The following PDE11A variants were observed in gnomAD, a reference collection of about 807,000 sequenced individuals.
The protein encoded by PDE11A is phosphodiesterase 11A.
PDE11A carries 100 observed loss-of-function variants against 100.5 expected under a neutral mutation model. The ratio of observed to expected loss-of-function variants is 1.00; its 90% CI spans 0.85 to 1.18. PDE11A has a LOEUF of 1.18. Among genes scored for constraint, PDE11A ranks in the 50% most tolerant of loss-of-function variants. PDE11A has a pLI of 0.00. For missense variants in PDE11A, 1,141 were observed against 1,152.6 expected, an observed-to-expected ratio of 0.99 and a Z score of 0.15; for synonymous variants, 381 against 420.8, an observed-to-expected ratio of 0.91 and a Z score of 1.16.
chr2:178,085,944 A>G (rs2087348504), intron 2 of PDE11A, among the ~76,000 whole-genome samples: 1 of 152,206 alleles, frequency 6.6e-6, no homozygotes, highest in Non-Finnish European at 1.5e-5. Flanking sequence ...TATCAAAAGT[A>G]CCACTATCCT....
At chr2:177,675,340 TG>T in intron 17 of PDE11A, 114 bp downstream of exon 17, 1 of 774,558 alleles carries the variant, frequency 1.3e-6, no homozygotes, top group Non-Finnish European at 2.3e-6. Flanking sequence ...ATGTTAATAC[TG>T]ATGCAAATTG....
chr2:177,955,379 G>T (rs139978420), intron 2 of PDE11A, among the ~76,000 whole-genome samples: 2 of 152,294 alleles, frequency 1.3e-5, no homozygotes, highest in East Asian at 3.9e-4. Flanking sequence ...CCCAGGTTAA[G>T]AAGTCCTGCT....
chr2:178,096,601 C>T (rs760355157), intron 2 of PDE11A, among the ~76,000 whole-genome samples: 4 of 152,134 alleles, frequency 2.6e-5, no homozygotes, highest in Non-Finnish European at 4.4e-5. Context: ...CTCTCAAGTT[C>T]GAAGTCCCAT....
intron 2 of PDE11A, among the ~76,000 whole-genome samples, chr2:178,096,042 C>G (rs1012206442): frequency 4.6e-5 from 7 of 152,156 alleles, no homozygotes; most frequent in African/African-American, 1.7e-4. Flanking sequence ...TTCTGACATG[C>G]CCTGGAGACA....
intron 1 of PDE11A, among the ~76,000 whole-genome samples, chr2:178,039,948 G>A (rs1202920010): frequency 6.6e-6 from 1 of 152,034 alleles, no homozygotes; most frequent in East Asian, 1.9e-4. Flanking sequence ...AAGTCATGGG[G>A]AGGGAAACAA....
At chr2:177,887,472 G>C (rs1190130613) in intron 4 of PDE11A, among the ~76,000 whole-genome samples, 1 of 146,508 alleles carries the variant, frequency 6.8e-6, no homozygotes, top group Non-Finnish European at 1.5e-5. Context: ...AAAAAAAAAA[G>C]ATTTTCCTCA....
intron 9 of PDE11A, among the ~76,000 whole-genome samples, chr2:177,779,115 A>T (rs537177705): frequency 7.5e-4 from 114 of 152,322 alleles, no homozygotes; most frequent in Admixed American, 2.0e-3. Context: ...TTGGTTTCCC[A>T]GTGCATATAA....
At chr2:177,875,795 T>G (rs2084229174) in intron 5 of PDE11A, 64 bp downstream of exon 5, 2 of 997,466 alleles carry the variant, frequency 2.0e-6, no homozygotes, top group Non-Finnish European at 3.2e-6. Flanking sequence ...CTAAGAATTA[T>G]GCAATGCTGC....
Position 177,840,261 on chromosome 2 carries a change from A to G in PDE11A, c.1490T>C (p.Phe497Ser). The G allele has an allele frequency of 6.2e-7, 1 of 1,614,150 alleles. No homozygotes were observed. The highest frequency in any genetic ancestry group is 1.7e-5 in the Admixed American group (1 of 60,018). Residue 497 changes from phenylalanine to serine, a missense_variant, in exon 6 of 20, where the codon TTT becomes TCT. By Grantham distance (155) the Phe-to-Ser change is radical. Coordinates refer to ENST00000286063, the MANE Select transcript of PDE11A (RefSeq NM_016953.4). ...AGGGGCTCCTCTTACCTCTGCATCAAAGCGCGGATCCTGGTAGGCATCACT... is the reference window on the plus strand; with the variant it reads ...AGGGGCTCCTCTTACCTCTGCATCAGAGCGCGGATCCTGGTAGGCATCACT... Reference protein sequence around the residue: ...NISDAYQDPRFDAEADQISGF... With the variant: ...NISDAYQDPRSDAEADQISGF...
At chr2:177,879,163 A>T (rs2084290389) in intron 4 of PDE11A, among the ~76,000 whole-genome samples, 1 of 152,202 alleles carries the variant, frequency 6.6e-6, no homozygotes, top group Non-Finnish European at 1.5e-5. Flanking sequence ...TAGCAATACA[A>T]ATAAATTTTA....
At chr2:177,957,251 A>AT (rs72402753) in intron 2 of PDE11A, among the ~76,000 whole-genome samples, 1 of 152,004 alleles carries the variant, frequency 6.6e-6, no homozygotes, top group African/African-American at 2.4e-5. Flanking sequence ...AATATATGCT[A>AT]TTTTTTCCCA....
chr2:177,631,955 C>A (rs1028705053), intron 19 of PDE11A, among the ~76,000 whole-genome samples: 1 of 152,076 alleles, frequency 6.6e-6, no homozygotes, highest in African/African-American at 2.4e-5. Context: ...ATGTTAGGAT[C>A]ATAAATGATC....
intron 2 of PDE11A, among the ~76,000 whole-genome samples, chr2:177,946,169 G>A (rs1574299101): frequency 2.8e-5 from 3 of 106,598 alleles, no homozygotes; most frequent in African/African-American, 7.5e-5. Context: ...CTGCCCGGCC[G>A]CCCCTACTGG....
intron 2 of PDE11A, among the ~76,000 whole-genome samples, chr2:178,003,335 G>A (rs566750142): frequency 1.8e-4 from 28 of 152,276 alleles, no homozygotes; most frequent in African/African-American, 5.5e-4. Context: ...CAAATAAAAT[G>A]AGGTATATCC....
At chr2:177,637,944 TATACAC>T in intron 19 of PDE11A, among the ~76,000 whole-genome samples, 1 of 145,470 alleles carries the variant, frequency 6.9e-6, no homozygotes, top group Admixed American at 7.0e-5. Context: ...TATATACATA[TATACAC>T]ATACATATAT....
intron 9 of PDE11A, among the ~76,000 whole-genome samples, chr2:177,779,023 C>A (rs2082416880): frequency 6.6e-6 from 1 of 152,090 alleles, no homozygotes; most frequent in Admixed American, 6.6e-5. Context: ...AAAATACAGG[C>A]ATACCTCAGA....
At chr2:177,727,885 T>A (rs1239682272) in intron 11 of PDE11A, 120 bp from the exon 12 acceptor site, 3 of 979,026 alleles carry the variant, frequency 3.1e-6, no homozygotes, top group Non-Finnish European at 4.9e-6. Flanking sequence ...CAAACATCTC[T>A]TCTGGTTCTC....
chr2:177,818,374 A>T (rs1479514254), intron 7 of PDE11A, among the ~76,000 whole-genome samples: 2 of 151,588 alleles, frequency 1.3e-5, no homozygotes, highest in Admixed American at 6.6e-5. Flanking sequence ...TGGCACTGTG[A>T]TTAAGAACAT....
chr2:177,956,752 C>G (rs1406781987), intron 2 of PDE11A, among the ~76,000 whole-genome samples: 1 of 152,192 alleles, frequency 6.6e-6, no homozygotes, highest in African/African-American at 2.4e-5. Flanking sequence ...GAGTTCATGT[C>G]TTTTGTAGGG....
Sources: gnomAD v4.1 joint callset for allele counts (sites outside exome capture counted in the v4.1 genomes callset) on GRCh38, gnomAD v4.1.1 for gene constraint, MANE v1.5 for transcripts, NCBI Gene and HGNC (gene_info 2026-07-23, HGNC 2026-07-21) for gene names.